The following SDK1 variants were observed in gnomAD, a reference collection of about 807,000 sequenced individuals.
SDK1 encodes the protein protein sidekick-1.
SDK1 carries 157 observed loss-of-function variants against 245.5 expected under a neutral mutation model. That is an observed-to-expected ratio of 0.64 (90% confidence interval 0.56 to 0.73). The LOEUF (loss-of-function observed/expected upper bound fraction) is 0.73. Ranked by LOEUF, SDK1 falls within the 30% of genes least tolerant of loss-of-function variation. The pLI is 0.00. For missense variants in SDK1, 3,583 were observed against 3,002.3 expected (o/e 1.19, Z -4.52); for synonymous variants, 1,647 against 1,278.5 (o/e 1.29, Z -6.15).
At chr7:3,490,347 T>C (rs1562518801) in intron 1 of SDK1, among the ~76,000 whole-genome samples, 1 of 152,228 alleles carries the variant, frequency 6.6e-6, no homozygotes, top group Non-Finnish European at 1.5e-5. Context: ...AATAGTTCTT[T>C]CAGGATTGCT....
At chr7:4,157,667 T>C (rs1452372375) in intron 30 of SDK1, among the ~76,000 whole-genome samples, 3 of 152,162 alleles carry the variant, frequency 2.0e-5, no homozygotes, top group Non-Finnish European at 4.4e-5. Context: ...GACAGGGATG[T>C]GGTCTTTTGT....
At chr7:3,442,164 T>C (rs1780214152) in intron 1 of SDK1, among the ~76,000 whole-genome samples, 2 of 152,190 alleles carry the variant, frequency 1.3e-5, no homozygotes, top group African/African-American at 4.8e-5. Context: ...GCCATTATTA[T>C]TGGGAGCAGC....
At chr7:3,468,081 A>G (rs1001423548) in intron 1 of SDK1, among the ~76,000 whole-genome samples, 1 of 152,142 alleles carries the variant, frequency 6.6e-6, no homozygotes, top group East Asian at 1.9e-4. Flanking sequence ...GGAAAAAATA[A>G]AGCAGAGAGA....
intron 5 of SDK1, among the ~76,000 whole-genome samples, chr7:3,943,127 A>G (rs1232903764): frequency 6.6e-6 from 1 of 152,184 alleles, no homozygotes; most frequent in Non-Finnish European, 1.5e-5. Context: ...GTAAACCAAA[A>G]TGTAGGATTT....
chr7:3,672,219 G>T (rs374979716), intron 4 of SDK1, among the ~76,000 whole-genome samples: 20 of 152,198 alleles, frequency 1.3e-4, no homozygotes, highest in African/African-American at 4.8e-4. Flanking sequence ...CTGCTGGTGA[G>T]AATGAAAACA....
In SDK1 at chr7:3,821,735, A is replaced by T. The variant is rs1008074994; in HGVS notation, c.847+152A>T. On this transcript the variant is annotated intron_variant, in intron 5 of 44. Transcript: ENST00000404826. ...TTGATCCAGTGCCAATAGTTCGGAG[A>T]GCTTTAGGGCTCTTGCTTTCTTCAA... The T allele has an allele frequency of 4.4e-6, 3 of 688,458 alleles. No individual in the cohort carries two copies. The South Asian group carries it at 8.8e-5, about 20-fold the overall frequency. 42.6% of individuals were successfully genotyped at this position (688,458 alleles called of 1,614,324 possible). A position where few individuals can be genotyped will look rare whatever the true frequency, so the allele number is the denominator to read the frequency against.
intron 8 of SDK1, among the ~76,000 whole-genome samples, chr7:3,961,873 A>C (rs979380441): frequency 6.6e-6 from 1 of 152,192 alleles, no homozygotes; most frequent in African/African-American, 2.4e-5. Flanking sequence ...AGACACACAT[A>C]GAAACACATG....
At chr7:4,236,617 G>T (rs552441698) in intron 41 of SDK1, among the ~76,000 whole-genome samples, 2 of 152,038 alleles carry the variant, frequency 1.3e-5, no homozygotes, top group Admixed American at 6.5e-5. Flanking sequence ...GGGGTGCTTC[G>T]TGGGCTCAGG....
chr7:4,149,374 C>T lies in SDK1; in HGVS notation c.4536C>T (p.Phe1512=), dbSNP rs868456362. The change falls in exon 30 of 45, where the codon TTC becomes TTT. Residue 1512 remains phenylalanine, a synonymous_variant. Transcript: ENST00000404826. ...ACGGGGCCTCCCCCATCCGGTACTT[C>T]ACCATGCAGGTGCGAGAGCTGCCTC... The part of the protein sequence containing the change: ...GSDGASPIRY[F]TMQVRELPRG... The T allele has an allele frequency of 1.9e-6, 3 of 1,592,134 alleles. No individual in the cohort carries two copies. Among genetic ancestry groups the T allele is most frequent in the Admixed American group, 1.8e-5 (1 of 56,992 alleles).
At chr7:3,703,396 A>G (rs1241222193) in intron 4 of SDK1, among the ~76,000 whole-genome samples, 1 of 152,234 alleles carries the variant, frequency 6.6e-6, no homozygotes, top group African/African-American at 2.4e-5. Flanking sequence ...ACATTTATGT[A>G]ACATTCTCAA....
chr7:4,155,405 C>A (rs1254407813), intron 30 of SDK1, among the ~76,000 whole-genome samples: 1 of 152,222 alleles, frequency 6.6e-6, no homozygotes, highest in Admixed American at 6.5e-5. Context: ...AGCCACCTGA[C>A]ACGCACTTAT....
intron 1 of SDK1, among the ~76,000 whole-genome samples, chr7:3,487,108 G>A (rs887135174): frequency 1.3e-5 from 2 of 152,164 alleles, no homozygotes; most frequent in African/African-American, 4.8e-5. Flanking sequence ...GTGCAGCTCT[G>A]TTCCAATAAA....
intron 5 of SDK1, among the ~76,000 whole-genome samples, chr7:3,857,309 G>C (rs1335198657): frequency 6.6e-6 from 1 of 152,082 alleles, no homozygotes; most frequent in African/African-American, 2.4e-5. Flanking sequence ...AGGGGAAAAA[G>C]AAACTGAAAA....
intron 1 of SDK1, among the ~76,000 whole-genome samples, chr7:3,567,314 C>G (rs1300070955): frequency 6.6e-6 from 1 of 152,160 alleles, no homozygotes; most frequent in Non-Finnish European, 1.5e-5. Flanking sequence ...GGCTTGATAC[C>G]TGCAACAGGA....
At chr7:3,575,836 G>A (rs981583072) in intron 1 of SDK1, among the ~76,000 whole-genome samples, 1 of 151,982 alleles carries the variant, frequency 6.6e-6, no homozygotes, top group African/African-American at 2.4e-5. Flanking sequence ...AAACCAGGAG[G>A]CTGTAAATCT....
At position 3,962,693 on chromosome 7, in the gene SDK1, C is replaced by T. The variant is rs1024397823; in HGVS notation, c.1271C>T (p.Ala424Val). Reference protein sequence around the residue: ...PLPTLQWYKDAISISRLQNPR... With the variant: ...PLPTLQWYKDVISISRLQNPR... Reference sequence around the variant, plus strand: ...CCCACCCTCCAGTGGTACAAGGATGCCATCTCCATCAGCAGGCTCCAGAAT... The same window carrying T: ...CCCACCCTCCAGTGGTACAAGGATGTCATCTCCATCAGCAGGCTCCAGAAT... Residue 424 changes from alanine (A) to valine (V), a missense_variant, in exon 9 of 45, where the codon GCC becomes GTC. By Grantham distance (64) the Ala-to-Val change is moderately conservative. Transcript: ENST00000404826. The T allele has an allele frequency of 3.1e-6, 5 of 1,613,528 alleles. No individual in the cohort carries two copies. The highest frequency in any genetic ancestry group is 4.2e-6 in the Non-Finnish European group (5 of 1,179,690).
intron 4 of SDK1, among the ~76,000 whole-genome samples, chr7:3,696,876 A>G (rs908496117): frequency 2.6e-5 from 4 of 152,122 alleles, no homozygotes; most frequent in African/African-American, 9.7e-5. Flanking sequence ...AACAGTAGAT[A>G]GGAGACCTCT....
intron 1 of SDK1, among the ~76,000 whole-genome samples, chr7:3,560,369 G>C (rs1364150586): frequency 6.6e-6 from 1 of 151,882 alleles, no homozygotes; most frequent in African/African-American, 2.4e-5. Context: ...TTAATGGCAA[G>C]TGTGTTTTTC....
chr7:3,961,848 T>G (rs997103121), intron 8 of SDK1, among the ~76,000 whole-genome samples: 3 of 152,158 alleles, frequency 2.0e-5, no homozygotes, highest in Admixed American at 2.0e-4. Flanking sequence ...TGCACATATA[T>G]GCACCACCTC....
Sources: gnomAD v4.1 joint callset for allele counts (sites outside exome capture counted in the v4.1 genomes callset) on GRCh38, gnomAD v4.1.1 for gene constraint, MANE v1.5 for transcripts, NCBI Gene and HGNC (gene_info 2026-07-23, HGNC 2026-07-21) for gene names.